Variants in INPP5A observed in about 807,000 individuals in gnomAD.
INPP5A encodes the protein 43 kDa inositol polyphosphate 5-phophatase.
A neutral mutation model predicts 65.2 loss-of-function variants in INPP5A; 14 were observed. The ratio of observed to expected loss-of-function variants is 0.21; its 90% CI spans 0.14 to 0.34. The LOEUF is 0.34. Among genes scored for constraint, INPP5A ranks in the 10% least tolerant of loss-of-function variants. The pLI, the probability that INPP5A is intolerant of heterozygous loss-of-function variation, is 1.00. For missense variants in INPP5A, 431 were observed against 545.6 expected, an observed-to-expected ratio of 0.79 and a Z score of 2.09; for synonymous variants, 207 against 208.3, an observed-to-expected ratio of 0.99 and a Z score of 0.05.
At position 132,616,993 on chromosome 10, in the gene INPP5A, C is replaced by T. The variant is rs1005838595; in HGVS notation, c.117+9037C>T. On this transcript the variant is annotated intron_variant, in intron 2 of 15. Transcript: ENST00000368594. The surrounding 1 kb of genome is among the most constrained non-coding windows in gnomAD (Gnocchi z 4.9). ...GAAGCAGCCTGGGTCTGTCTGCTCC[C>T]TGGGGTCAGATGCAGGCCGCTTCTG... is the stretch of plus-strand genomic sequence containing the variant. Among the ~76,000 whole-genome samples, 8 of 152,110 alleles carry T rather than the reference C, an allele frequency of 5.3e-5. No homozygotes were observed. The highest frequency in any genetic ancestry group is 2.1e-4 in the South Asian group (1 of 4,836).
At chr10:132,738,052 G>T (rs1176334158) in intron 9 of INPP5A, among the ~76,000 whole-genome samples, 2 of 152,186 alleles carry the variant, frequency 1.3e-5, no homozygotes, top group African/African-American at 4.8e-5. Context: ...TCTGGTCTAT[G>T]CTGGGACTCT....
chr10:132,765,038 G>A (rs1846817068), intron 11 of INPP5A, among the ~76,000 whole-genome samples: 1 of 149,440 alleles, frequency 6.7e-6, no homozygotes, highest in African/African-American at 2.5e-5. Context: ...GCAGGGGTGG[G>A]AGGGTGTGCG....
chr10:132,729,607 C>A (rs116863427), intron 9 of INPP5A, among the ~76,000 whole-genome samples: 184 of 152,314 alleles, frequency 1.2e-3, no homozygotes, highest in Non-Finnish European at 2.0e-3. Flanking sequence ...CCCACCTGTA[C>A]CCCGTCCTCC....
intron 13 of INPP5A, among the ~76,000 whole-genome samples, chr10:132,778,104 C>T (rs1349023963): frequency 3.3e-5 from 5 of 152,166 alleles, no homozygotes; most frequent in Non-Finnish European, 7.3e-5. Context: ...TGGAAGTCAA[C>T]GTGCTCTTGT....
Position 132,586,403 on chromosome 10 carries a change from C to T in INPP5A, c.76-21512C>T, listed in dbSNP as rs1351681299. Among the ~76,000 whole-genome samples, 3 of 152,360 alleles carry T rather than the reference C, an allele frequency of 2.0e-5. No individual in the cohort carries two copies. The East Asian group carries it at 5.8e-4, about 29-fold the overall frequency. On this transcript the variant is annotated intron_variant, in intron 1 of 15. Transcript: ENST00000368594. ...GGGCTGCCTCCCTAGGGGCTCACAG[C>T]TCCGTGGCGACCTCGTCACCCTTCC... is the stretch of plus-strand genomic sequence containing the variant.
rs1040630457 is a variant in INPP5A, at chr10:132,651,229, C to T, written c.306+724C>T. On this transcript the variant is annotated intron_variant, in intron 4 of 15. Transcript: ENST00000368594. The surrounding 1 kb of genome is among the most constrained non-coding windows in gnomAD (Gnocchi z 5.0). ...TCCCGTCTTTATGCCCTGGGTCCCC[C>T]GGCCTGGATCCATCTCCCCCGTCTC... Among the ~76,000 whole-genome samples the T allele has an allele frequency of 6.6e-6, 1 of 152,030 alleles. No homozygotes were observed. Among genetic ancestry groups the T allele is most frequent in the Admixed American group, 6.5e-5 (1 of 15,282 alleles).
rs550177530 is a variant in INPP5A, at chr10:132,730,637, C to T, written c.732+3732C>T. ...TAAGTCAGGAAGGGAAAGAAAACTG[C>T]GGTCTTCCTGGAACCTCCTCTGCAT... is the stretch of plus-strand genomic sequence containing the variant. On this transcript the variant is annotated intron_variant, in intron 9 of 15. Transcript: ENST00000368594. Among the ~76,000 whole-genome samples the T allele has an allele frequency of 6.4e-4, 98 of 152,310 alleles. 5 individuals are homozygous for T. The highest frequency in any genetic ancestry group is 3.9e-4 in the East Asian group (2 of 5,182).
rs149985005 is a variant in INPP5A at position 132,697,500 on chromosome 10, G to A, written c.371-316G>A. Among the ~76,000 whole-genome samples, 1 of 152,358 alleles carries A rather than the reference G, an allele frequency of 6.6e-6. No individual in the cohort carries two copies. The highest frequency in any genetic ancestry group is 2.4e-5 in the African/African-American group (1 of 41,588). On this transcript the variant is annotated intron_variant, in intron 5 of 15. Transcript: ENST00000368594. The surrounding 1 kb of genome is among the most constrained non-coding windows in gnomAD (Gnocchi z 5.6). ...GGTCTGAGTGAATGGTAATTCTACA[G>A]CCCTCTTAAATATATTCACGGGTTT... is the stretch of plus-strand genomic sequence containing the variant.
chr10:132,713,585 C>T (rs1340939461), intron 8 of INPP5A, among the ~76,000 whole-genome samples: 2 of 152,126 alleles, frequency 1.3e-5, no homozygotes, highest in Non-Finnish European at 1.5e-5. Context: ...CTTATCCCCT[C>T]TGACCGCCCC....
At chr10:132,582,573 A>G (rs557407965) in intron 1 of INPP5A, among the ~76,000 whole-genome samples, 3 of 152,224 alleles carry the variant, frequency 2.0e-5, no homozygotes, top group Admixed American at 6.5e-5. Flanking sequence ...ATGCGCCACC[A>G]TGCCCAGCTA....
Position 132,729,938 on chromosome 10 carries a change from C to T in INPP5A, c.732+3033C>T, listed in dbSNP as rs193064700. Among the ~76,000 whole-genome samples the T allele has an allele frequency of 1.1e-4, 16 of 152,312 alleles. No individual in the cohort carries two copies. In the East Asian group the frequency reaches 2.3e-3, roughly 22 times the overall value. ...CTTCAGCAACCTCCAGGCAGCTGCT[C>T]GAGCGGCTGGTGGAGCACTCCAGGG... On this transcript the variant is annotated intron_variant, in intron 9 of 15. Transcript: ENST00000368594.
rs148325886 is a variant in INPP5A, at chr10:132,664,548, G to A, written c.306+14043G>A. On this transcript the variant is annotated intron_variant, in intron 4 of 15. Transcript: ENST00000368594. ...GCAGATGGGTGTCTACACAGACCTC[G>A]CCTGTTGCCCTGTGCGTTTGTGTGA... Among the ~76,000 whole-genome samples, 1,084 of 152,296 alleles carry A rather than the reference G, an allele frequency of 7.1e-3. 8 individuals carry two copies. The highest frequency in any genetic ancestry group is 9.6e-3 in the Non-Finnish European group (652 of 68,030).
intron 9 of INPP5A, among the ~76,000 whole-genome samples, chr10:132,744,849 A>G (rs1846340171): frequency 6.6e-6 from 1 of 152,154 alleles, no homozygotes; most frequent in Admixed American, 6.5e-5. Context: ...CCACTGAGGA[A>G]GGTTAGGATT....
rs1590860774 is a variant in INPP5A, at chr10:132,603,840, G to A, written c.76-4075G>A. On this transcript the variant is annotated intron_variant, in intron 1 of 15. Transcript: ENST00000368594. This position sits in a 1 kb window ranked among gnomAD's most constrained non-coding sequence, Gnocchi z 4.2. ...TGGTTCTGTACTGTGTGGACATGGT[G>A]TGGGTCACTGTGGTCTTTCCTTTCT... 4.6e-5 allele frequency among the ~76,000 whole-genome samples: 7 copies of A among 152,162 alleles called. No individual in the cohort carries two copies. The highest frequency in any genetic ancestry group is 4.6e-4 in the Admixed American group (7 of 15,282).
chr10:132,604,442 A>C (rs774483303), intron 1 of INPP5A, among the ~76,000 whole-genome samples: 1 of 152,206 alleles, frequency 6.6e-6, no homozygotes, highest in South Asian at 2.1e-4. Context: ...GCGAGGATGC[A>C]GTCAGACCCT....
At chr10:132,565,900 T>C (rs2071269291) in intron 1 of INPP5A, among the ~76,000 whole-genome samples, 1 of 152,094 alleles carries the variant, frequency 6.6e-6, no homozygotes, top group Non-Finnish European at 1.5e-5. Flanking sequence ...CTCTTTGAAT[T>C]GGAGGCTTGT....
At chr10:132,670,849 T>C (rs181762786) in intron 4 of INPP5A, among the ~76,000 whole-genome samples, 2,071 of 150,120 alleles carry the variant, frequency 0.014, 33 homozygotes, top group Non-Finnish European at 0.018. Flanking sequence ...CTTTCTTTTT[T>C]TTTTTTTTTT....
At chr10:132,722,917 C>T (rs563021802) in intron 8 of INPP5A, among the ~76,000 whole-genome samples, 144 of 151,954 alleles carry the variant, frequency 9.5e-4, no homozygotes, top group African/African-American at 3.4e-3. Context: ...TTTTTTTCTC[C>T]TGCTCCAAAT....
intron 12 of INPP5A, among the ~76,000 whole-genome samples, chr10:132,771,683 A>G (rs1429814312): frequency 8.7e-6 from 1 of 115,352 alleles, no homozygotes; most frequent in South Asian, 2.6e-4. Context: ...GACACTCAGC[A>G]CTGACACAGA....
Sources: gnomAD v4.1 joint callset for allele counts (sites outside exome capture counted in the v4.1 genomes callset) on GRCh38, gnomAD v4.1.1 for gene constraint, Gnocchi (gnomAD v3.1) non-coding constraint, MANE v1.5 for transcripts, NCBI Gene and HGNC (gene_info 2026-07-23, HGNC 2026-07-21) for gene names.